The following SEMA6D variants were observed in gnomAD, a reference collection of about 807,000 sequenced individuals.
SEMA6D encodes the protein semaphorin-6D.
A neutral mutation model predicts 106.6 loss-of-function variants in SEMA6D; 35 were observed. That is an observed-to-expected ratio of 0.33 (90% CI 0.25 to 0.44). The LOEUF (loss-of-function observed/expected upper bound fraction) is 0.44. SEMA6D is among the 20% of genes least tolerant of loss of function. The probability of loss-of-function intolerance (pLI) is 1.00; values close to 1 mark genes in which losing one functional copy is unlikely to be tolerated. For synonymous variants in SEMA6D, 499 were observed against 487.7 expected (o/e 1.02, Z -0.31); for missense variants, 1,185 against 1,345.9 (o/e 0.88, Z 1.87).
At chr15:47,350,677 T>G (rs2038288008) in intron 1 of SEMA6D, among the ~76,000 whole-genome samples, 1 of 152,216 alleles carries the variant, frequency 6.6e-6, no homozygotes, top group Non-Finnish European at 1.5e-5. Context: ...TTCATTTGTA[T>G]TTTATTAAAA....
chr15:47,379,630 A>G (rs2039569398), intron 1 of SEMA6D, among the ~76,000 whole-genome samples: 1 of 152,254 alleles, frequency 6.6e-6, no homozygotes, highest in Admixed American at 6.5e-5. Context: ...GGAAGAGGTG[A>G]ACTTTAAATA....
intron 1 of SEMA6D, among the ~76,000 whole-genome samples, chr15:47,205,954 T>G (rs182172793): frequency 2.6e-3 from 395 of 152,298 alleles, no homozygotes; most frequent in Admixed American, 4.2e-3. Context: ...TCAGTTACAC[T>G]TCTAAAATTA....
chr15:47,544,838 A>G (rs932467374), intron 3 of SEMA6D, among the ~76,000 whole-genome samples: 12 of 152,112 alleles, frequency 7.9e-5, no homozygotes, highest in African/African-American at 2.7e-4. Flanking sequence ...CAATACAATT[A>G]TAGCCTAAAG....
At chr15:47,736,049 A>C (rs902590881) in intron 1 of SEMA6D, among the ~76,000 whole-genome samples, 2 of 152,058 alleles carry the variant, frequency 1.3e-5, no homozygotes, top group African/African-American at 4.8e-5. Context: ...TTTGTTATCC[A>C]GTTTGTGGGG....
At chr15:47,647,425 G>A (rs1022724020) in intron 4 of SEMA6D, among the ~76,000 whole-genome samples, 3 of 152,184 alleles carry the variant, frequency 2.0e-5, no homozygotes, top group African/African-American at 7.2e-5. Context: ...AGTGCTGACA[G>A]ATGAAACGCA....
intron 4 of SEMA6D, among the ~76,000 whole-genome samples, chr15:47,669,229 T>C (rs2078092860): frequency 6.6e-6 from 1 of 152,182 alleles, no homozygotes; most frequent in Admixed American, 6.5e-5. Context: ...CATAAATGAA[T>C]TCCTTACCGC....
chr15:47,186,925 G>T (rs1893613201), intron 1 of SEMA6D, among the ~76,000 whole-genome samples: 1 of 152,012 alleles, frequency 6.6e-6, no homozygotes, highest in Non-Finnish European at 1.5e-5. Flanking sequence ...ATTTAGTGTT[G>T]CCAAGATAAT....
chr15:47,738,948 T>C (rs2080621580), intron 1 of SEMA6D, among the ~76,000 whole-genome samples: 1 of 152,144 alleles, frequency 6.6e-6, no homozygotes, highest in Non-Finnish European at 1.5e-5. Context: ...GCCATAGCCT[T>C]AGTTCCTCTC....
At chr15:47,665,702 C>G (rs893146058) in intron 4 of SEMA6D, among the ~76,000 whole-genome samples, 3 of 152,162 alleles carry the variant, frequency 2.0e-5, no homozygotes, top group African/African-American at 7.2e-5. Flanking sequence ...CCTAGCTACT[C>G]AGGAGGCTGA....
At chr15:47,494,786 ATAT>A (rs2043595778) in intron 3 of SEMA6D, among the ~76,000 whole-genome samples, 2 of 99,890 alleles carry the variant, frequency 2.0e-5, no homozygotes, top group African/African-American at 4.5e-5. Flanking sequence ...ATATATATAT[ATAT>A]AATCTCCAGA....
chr15:47,256,884 G>C (rs1348038607), intron 1 of SEMA6D, among the ~76,000 whole-genome samples: 1 of 151,796 alleles, frequency 6.6e-6, no homozygotes, highest in African/African-American at 2.4e-5. Context: ...AATAAAAAAT[G>C]CTAAAATATT....
intron 17 of SEMA6D, 39 bp downstream of exon 17, chr15:47,767,132 C>T: frequency 7.3e-7 from 1 of 1,368,402 alleles, no homozygotes. Context: ...ACAACCTTTT[C>T]TTTCCTTCAG....
At position 47,764,050 on chromosome 15, in the gene SEMA6D, T is replaced by C. The variant is rs1374004617; in HGVS notation, c.948T>C (p.Phe316=). The change falls in exon 10 of 19, where the codon TTT becomes TTC. Residue 316 remains phenylalanine (F), a synonymous_variant. Transcript: ENST00000536845. ...GCATCCCCACTGTGGTCGGGGTGTT[T>C]ACCACGCAGCTCAATAGGTGAGAGC... The part of the protein sequence containing the change: ...INGIPTVVGV[F]TTQLNSIPGS... The C allele has an allele frequency of 1.2e-6, 2 of 1,613,878 alleles. No individual in the cohort carries two copies. Among genetic ancestry groups the C allele is most frequent in the East Asian group, 2.2e-5 (1 of 44,850 alleles).
Position 47,763,032 on chromosome 15 carries a change from T to C in SEMA6D, c.675T>C (p.His225=), listed in dbSNP as rs146298995. The stretch of plus-strand genomic sequence containing the variant: ...TTCTTTCAGAGCCACACTTTCTTCA[T>C]GCCATAGAATATGGAAACTATGTCT... ...SKWIKEPHFL[H]AIEYGNYVYF... is the part of the protein sequence containing the mutation. The change falls in exon 9 of 19, where the codon CAT becomes CAC. Residue 225 remains histidine, a synonymous_variant. Coordinates refer to ENST00000536845, the MANE Select transcript of SEMA6D (RefSeq NM_001358351.3). The C allele has an allele frequency of 2.1e-3, 3,350 of 1,611,306 alleles. 18 individuals are homozygous for C. The highest frequency in any genetic ancestry group is 0.011 in the Admixed American group (643 of 59,738).
chr15:47,528,999 A>G (rs1481878229), intron 3 of SEMA6D, among the ~76,000 whole-genome samples: 1 of 152,232 alleles, frequency 6.6e-6, no homozygotes, highest in South Asian at 2.1e-4. Flanking sequence ...TAAGCTGGGG[A>G]AAAATGTTAT....
At chr15:47,378,365 A>G (rs1415610427) in intron 1 of SEMA6D, among the ~76,000 whole-genome samples, 3 of 152,138 alleles carry the variant, frequency 2.0e-5, no homozygotes, top group African/African-American at 7.2e-5. Context: ...GCGTGGTGGC[A>G]CGCGCCTGTA....
At chr15:47,406,284 G>A (rs1015472982) in intron 1 of SEMA6D, among the ~76,000 whole-genome samples, 3 of 152,156 alleles carry the variant, frequency 2.0e-5, no homozygotes, top group Admixed American at 6.5e-5. Flanking sequence ...CTCTGACATG[G>A]ATAATGTTGC....
intron 3 of SEMA6D, among the ~76,000 whole-genome samples, chr15:47,497,964 C>T (rs1477746308): frequency 6.6e-6 from 1 of 152,106 alleles, no homozygotes; most frequent in East Asian, 1.9e-4. Flanking sequence ...CCATAGGAAC[C>T]ATTACACAAT....
intron 1 of SEMA6D, among the ~76,000 whole-genome samples, chr15:47,325,853 TA>T (rs1359433425): frequency 6.6e-6 from 1 of 152,156 alleles, no homozygotes; most frequent in African/African-American, 2.4e-5. Context: ...AGTTAAAAAA[TA>T]AAATTTAAAT....
Sources: gnomAD v4.1 joint callset for allele counts (sites outside exome capture counted in the v4.1 genomes callset) on GRCh38, gnomAD v4.1.1 for gene constraint, MANE v1.5 for transcripts, NCBI Gene and HGNC (gene_info 2026-07-23, HGNC 2026-07-21) for gene names.